Variants in OPCML observed in about 807,000 individuals in gnomAD.
The protein encoded by OPCML is opioid-binding protein/cell adhesion molecule.
Under a neutral mutation model 37.8 loss-of-function variants are expected in OPCML, and 13 were observed. The observed-to-expected ratio is 0.34, with a 90% CI of 0.22 to 0.55. The LOEUF is 0.55. Ranked by LOEUF, OPCML falls within the 20% of genes least tolerant of loss-of-function variation. The pLI is 0.91. For synonymous variants in OPCML, 176 were observed against 168.8 expected, an observed-to-expected ratio of 1.04 and a Z score of -0.33; for missense variants, 341 against 435.6, an observed-to-expected ratio of 0.78 and a Z score of 1.93.
chr11:132,676,389 A>C (rs1443783225), intron 2 of OPCML, among the ~76,000 whole-genome samples: 1 of 152,144 alleles, frequency 6.6e-6, no homozygotes, highest in African/African-American at 2.4e-5. Context: ...GGTTTCTTAT[A>C]TATAACACCT....
chr11:132,562,278 A>C (rs1214507543), intron 3 of OPCML, among the ~76,000 whole-genome samples: 1 of 152,138 alleles, frequency 6.6e-6, no homozygotes, highest in African/African-American at 2.4e-5. Flanking sequence ...TTAAAAAAGT[A>C]GAGGCACATA....
intron 1 of OPCML, among the ~76,000 whole-genome samples, chr11:133,230,657 A>G (rs1940238901): frequency 6.6e-6 from 1 of 152,196 alleles, no homozygotes; most frequent in Non-Finnish European, 1.5e-5. Flanking sequence ...ACGCAATAAA[A>G]GGCATCATAA....
rs930776519 is a variant in OPCML at position 132,543,032 on chromosome 11, C to A, written c.380-13846G>T. ...ATTTGGAAAATGTTTAAGAAATGGG[C>A]AGTTGTCCATCATCTTGTCTATTGT... On this transcript the variant is annotated intron_variant, in intron 3 of 7. Transcript: ENST00000524381. Among the ~76,000 whole-genome samples the A allele has an allele frequency of 4.0e-5, 6 of 148,526 alleles. No individual in the cohort carries two copies. In the Admixed American group the frequency reaches 4.1e-4, roughly 10 times the overall value.
At chr11:133,041,494 A>G (rs75512892) in intron 1 of OPCML, among the ~76,000 whole-genome samples, 1 of 152,152 alleles carries the variant, frequency 6.6e-6, no homozygotes, top group Admixed American at 6.5e-5. Context: ...AAGCACTTTC[A>G]TCTAGAAGTA....
intron 1 of OPCML, among the ~76,000 whole-genome samples, chr11:133,230,400 C>T (rs1940228146): frequency 6.6e-6 from 1 of 152,126 alleles, no homozygotes; most frequent in Non-Finnish European, 1.5e-5. Context: ...TGCTGGACAG[C>T]CAGCTGCTGT....
chr11:132,576,854 G>T (rs541082800), intron 3 of OPCML, among the ~76,000 whole-genome samples: 2 of 152,234 alleles, frequency 1.3e-5, no homozygotes, highest in African/African-American at 4.8e-5. Context: ...TGCTCTGTGG[G>T]TTGAGCCAGG....
At chr11:132,580,212 G>T (rs75082783) in intron 3 of OPCML, among the ~76,000 whole-genome samples, 9 of 152,116 alleles carry the variant, frequency 5.9e-5, no homozygotes, top group Admixed American at 1.3e-4. Flanking sequence ...GTATGACTCC[G>T]CAGGGGGGAA....
At chr11:133,428,019 A>G (rs1229956962) in intron 1 of OPCML, among the ~76,000 whole-genome samples, 1 of 152,194 alleles carries the variant, frequency 6.6e-6, no homozygotes, top group Non-Finnish European at 1.5e-5. Flanking sequence ...CAAGATGAAA[A>G]CTATGGAACA....
chr11:132,843,268 T>G (rs149741283), intron 2 of OPCML, among the ~76,000 whole-genome samples: 1 of 152,154 alleles, frequency 6.6e-6, no homozygotes, highest in African/African-American at 2.4e-5. Context: ...TTAATTTTTT[T>G]GTATTTTTTA....
intron 3 of OPCML, among the ~76,000 whole-genome samples, chr11:132,555,514 TTATGGGAGCTACAATTCAAGATGAGA>T (rs2096393355): frequency 6.6e-6 from 1 of 152,138 alleles, no homozygotes; most frequent in Non-Finnish European, 1.5e-5. Context: ...CACATGGGAA[TTATGGGAGCTACAATTCAAGATGAGA>T]TTTGGGTGGG....
At chr11:133,291,637 A>G (rs1228025822) in intron 1 of OPCML, among the ~76,000 whole-genome samples, 1 of 152,012 alleles carries the variant, frequency 6.6e-6, no homozygotes, top group Non-Finnish European at 1.5e-5. Context: ...ACTGCTTCTT[A>G]TTTTTTTGGC....
intron 1 of OPCML, among the ~76,000 whole-genome samples, chr11:133,445,790 G>C (rs1318690954): frequency 6.6e-6 from 1 of 152,124 alleles, no homozygotes; most frequent in Non-Finnish European, 1.5e-5. Context: ...AAGGATTATA[G>C]CCTTACTATT....
intron 1 of OPCML, among the ~76,000 whole-genome samples, chr11:133,250,483 G>T (rs978160284): frequency 7.9e-6 from 1 of 127,348 alleles, no homozygotes; most frequent in African/African-American, 3.0e-5. Flanking sequence ...AGGGAGGGAA[G>T]AATGAAGAAA....
intron 1 of OPCML, among the ~76,000 whole-genome samples, chr11:133,531,748 A>G (rs1398576529): frequency 1.4e-5 from 2 of 146,466 alleles, no homozygotes; most frequent in Admixed American, 6.7e-5. Flanking sequence ...GGAGAGGGAG[A>G]GAGAGAGAGA....
At position 133,470,997 on chromosome 11, in the gene OPCML, G is replaced by C. The variant is rs553685540; in HGVS notation, c.61+61267C>G. Among the ~76,000 whole-genome samples, 4 of 152,290 alleles carry C rather than the reference G, an allele frequency of 2.6e-5. No homozygotes were observed. The South Asian group carries it at 8.3e-4, about 32-fold the overall frequency. ...ACAAACTAACTGCATCCCTACTAAGGAAAAGGCTTCTGTTAGATGACGTAG... is the reference window on the plus strand; with the variant it reads ...ACAAACTAACTGCATCCCTACTAAGCAAAAGGCTTCTGTTAGATGACGTAG... On this transcript the variant is annotated intron_variant, in intron 1 of 7. Coordinates refer to ENST00000524381, the MANE Select transcript of OPCML (RefSeq NM_001012393.5).
At chr11:132,653,908 C>T (rs919961605) in intron 3 of OPCML, among the ~76,000 whole-genome samples, 3 of 152,188 alleles carry the variant, frequency 2.0e-5, no homozygotes, top group Admixed American at 6.5e-5. Flanking sequence ...TGTTTTCTCT[C>T]ATTGCAAAAT....
At chr11:133,001,807 C>T (rs955677786) in intron 1 of OPCML, among the ~76,000 whole-genome samples, 1 of 152,222 alleles carries the variant, frequency 6.6e-6, no homozygotes, top group Non-Finnish European at 1.5e-5. Flanking sequence ...ACTCTAGGTG[C>T]ACCCATGATA....
At chr11:133,068,210 C>A (rs1419840473) in intron 1 of OPCML, 2 of 152,176 alleles carry the variant, frequency 1.3e-5, no homozygotes, top group African/African-American at 2.4e-5. Flanking sequence ...CTCTGCCCTT[C>A]TGAAGTAGAA....
intron 2 of OPCML, among the ~76,000 whole-genome samples, chr11:132,770,461 G>A (rs1105289): frequency 0.37 from 56,614 of 151,818 alleles, 11,100 homozygotes; most frequent in Non-Finnish European, 0.43. Context: ...AGATACTGAG[G>A]TACATTTTGA....
Sources: allele counts gnomAD v4.1 joint callset (sites outside exome capture counted in the v4.1 genomes callset), GRCh38; gene constraint gnomAD v4.1.1; transcripts MANE v1.5; gene names NCBI Gene and HGNC (gene_info 2026-07-23, HGNC 2026-07-21).